Variants in CNTLN observed in about 807,000 individuals in gnomAD.
CNTLN encodes the protein centlein.
In CNTLN, 212 loss-of-function variants were observed where a neutral mutation model predicts 180.0. The observed-to-expected ratio is 1.18, with a 90% CI of 1.05 to 1.32. CNTLN has a LOEUF of 1.32. Among genes scored for constraint, CNTLN ranks in the 40% most tolerant of loss-of-function variants. The pLI is 0.00. For synonymous variants in CNTLN, 722 were observed against 563.1 expected, an observed-to-expected ratio of 1.28 and a Z score of -3.99; for missense variants, 2,095 against 1,610.9, an observed-to-expected ratio of 1.30 and a Z score of -5.14.
chr9:17,393,968 AC>A (rs572359017), intron 14 of CNTLN, among the ~76,000 whole-genome samples: 113 of 152,222 alleles, frequency 7.4e-4, no homozygotes, highest in Admixed American at 5.6e-3. Context: ...TTTATGTGCA[AC>A]CTTGAAATCA....
At chr9:17,181,685 AGAG>A (rs779806282) in intron 2 of CNTLN, among the ~76,000 whole-genome samples, 1 of 152,234 alleles carries the variant, frequency 6.6e-6, no homozygotes, top group Non-Finnish European at 1.5e-5. Context: ...ACATTCTATC[AGAG>A]GAGGAGTTAG....
intron 12 of CNTLN, among the ~76,000 whole-genome samples, chr9:17,362,822 G>A (rs898137618): frequency 6.6e-6 from 1 of 151,934 alleles, no homozygotes; most frequent in African/African-American, 2.4e-5. Flanking sequence ...ACGTGCCATG[G>A]TGGTTTGCTG....
chr9:17,476,242 T>G (rs111299882), intron 23 of CNTLN, among the ~76,000 whole-genome samples: 3 of 152,306 alleles, frequency 2.0e-5, no homozygotes, highest in African/African-American at 7.2e-5. Flanking sequence ...TTATGTGTGT[T>G]CTGACTGTTC....
intron 5 of CNTLN, among the ~76,000 whole-genome samples, chr9:17,250,631 G>A (rs1587337223): frequency 6.6e-6 from 1 of 151,948 alleles, no homozygotes; most frequent in African/African-American, 2.4e-5. Context: ...CTACAGCTTT[G>A]TCCATCCATT....
chr9:17,501,418 T>C (rs1281186523), intron 25 of CNTLN, among the ~76,000 whole-genome samples: 1 of 152,224 alleles, frequency 6.6e-6, no homozygotes, highest in African/African-American at 2.4e-5. Context: ...TTTGCCTGCC[T>C]GCTCTTTAGT....
At chr9:17,210,678 A>C (rs1235501522) in intron 2 of CNTLN, among the ~76,000 whole-genome samples, 6 of 152,248 alleles carry the variant, frequency 3.9e-5, no homozygotes, top group Non-Finnish European at 5.9e-5. Flanking sequence ...TCCCACCAAT[A>C]GTGTAAAAAT....
At chr9:17,292,956 C>A (rs1010877936) in intron 6 of CNTLN, among the ~76,000 whole-genome samples, 1 of 152,146 alleles carries the variant, frequency 6.6e-6, no homozygotes, top group Non-Finnish European at 1.5e-5. Flanking sequence ...TTTGCGAGGA[C>A]CTTTTTGTTG....
chr9:17,403,736 G>C (rs10810788), intron 15 of CNTLN, among the ~76,000 whole-genome samples: 105,599 of 151,396 alleles, frequency 0.7, 39,482 homozygotes, highest in Non-Finnish European at 0.82. Context: ...GTAGGGAGGT[G>C]GCCTAGTCAG....
At position 17,484,338 on chromosome 9, in the gene CNTLN, G is replaced by A. The variant is rs202218754; in HGVS notation, c.3899G>A (p.Arg1300Gln). 3.0e-5 allele frequency: 48 copies of A among 1,609,782 alleles called. No individual in the cohort carries two copies. Among genetic ancestry groups the A allele is most frequent in the Admixed American group, 8.5e-5 (5 of 58,756 alleles). The change falls in exon 24 of 26, where the codon CGA becomes CAA. Residue 1300 changes from arginine (R) to glutamine (Q), a missense_variant. Transcript: ENST00000380647. The stretch of plus-strand genomic sequence containing the variant: ...CAAAATGATGTCCATGTGGTAAGGC[G>A]ACAAATAAGAGAGCTTAAAAAAATG... ...ELQNDVHVVR[R>Q]QIRELKKMKK...
chr9:17,443,803 G>T (rs1463921338), intron 18 of CNTLN, among the ~76,000 whole-genome samples: 1 of 152,140 alleles, frequency 6.6e-6, no homozygotes, highest in Non-Finnish European at 1.5e-5. Flanking sequence ...TTAAGTTTGG[G>T]GGAGTTATCT....
intron 15 of CNTLN, among the ~76,000 whole-genome samples, chr9:17,406,621 C>A (rs12006188): frequency 0.034 from 5,200 of 151,744 alleles, 157 homozygotes; most frequent in South Asian, 0.13. Flanking sequence ...CCCAGTGGTC[C>A]TTAATAATTT....
intron 18 of CNTLN, among the ~76,000 whole-genome samples, chr9:17,456,589 C>T (rs1238662593): frequency 6.6e-6 from 1 of 152,060 alleles, no homozygotes; most frequent in African/African-American, 2.4e-5. Context: ...TCTTACTGTA[C>T]ACTTTAGCTA....
chr9:17,170,399 C>G, intron 2 of CNTLN, among the ~76,000 whole-genome samples: 1 of 152,032 alleles, frequency 6.6e-6, no homozygotes, highest in South Asian at 2.1e-4. Flanking sequence ...TGCTTAATTG[C>G]TTTGGGTAGG....
chr9:17,383,040 G>C (rs1825381218), intron 13 of CNTLN, among the ~76,000 whole-genome samples: 1 of 152,020 alleles, frequency 6.6e-6, no homozygotes, highest in South Asian at 2.1e-4. Flanking sequence ...TTTAACAATA[G>C]AACTGAGGTG....
In CNTLN at chr9:17,278,940, GT is replaced by G. The variant is rs566879814; in HGVS notation, c.983+5083del. ...TTCTTTTGGTAACTAATAATTTTAGGTTTTTTTTTCATATAATGAAACAATA... is the reference window on the plus strand; with the variant it reads ...TTCTTTTGGTAACTAATAATTTTAGGTTTTTTTTCATATAATGAAACAATA... On this transcript the variant is annotated intron_variant, in intron 6 of 25. Transcript: ENST00000380647. Among the ~76,000 whole-genome samples the G allele has an allele frequency of 1.8e-3, 270 of 150,698 alleles. 1 individual carries two copies. Among genetic ancestry groups the G allele is most frequent in the African/African-American group, 6.1e-3 (250 of 41,058 alleles).
At chr9:17,174,228 C>A (rs1021871276) in intron 2 of CNTLN, among the ~76,000 whole-genome samples, 52 of 152,242 alleles carry the variant, frequency 3.4e-4, no homozygotes, top group African/African-American at 1.1e-3. Context: ...ACAGTTTAGC[C>A]ATTCACTTGT....
At chr9:17,296,307 C>T (rs749738229) in intron 6 of CNTLN, among the ~76,000 whole-genome samples, 8 of 151,996 alleles carry the variant, frequency 5.3e-5, no homozygotes, top group Non-Finnish European at 7.4e-5. Context: ...TGTGAGCCAT[C>T]GCACCCTGCC....
chr9:17,337,082 T>C (rs1484850410), intron 10 of CNTLN, among the ~76,000 whole-genome samples: 2 of 152,244 alleles, frequency 1.3e-5, no homozygotes, highest in Non-Finnish European at 2.9e-5. Flanking sequence ...TTTTTTCATA[T>C]GTTTGTTGGC....
intron 8 of CNTLN, among the ~76,000 whole-genome samples, chr9:17,326,397 A>G (rs979646569): frequency 2.0e-5 from 3 of 152,068 alleles, no homozygotes; most frequent in African/African-American, 7.2e-5. Flanking sequence ...ATGAACTTCC[A>G]CAGAGAGGGG....
Sources: allele counts gnomAD v4.1 joint callset (sites outside exome capture counted in the v4.1 genomes callset), GRCh38; gene constraint gnomAD v4.1.1; transcripts MANE v1.5; gene names NCBI Gene and HGNC (gene_info 2026-07-23, HGNC 2026-07-21).